Variants in PRKN observed in about 807,000 individuals in gnomAD.
PRKN encodes the protein parkin RBR E3 ubiquitin protein ligase.
Under a neutral mutation model 59.5 loss-of-function variants are expected in PRKN, and 56 were observed. The observed-to-expected ratio is 0.94, with a 90% CI of 0.76 to 1.18. The LOEUF (loss-of-function observed/expected upper bound fraction) is 1.18. PRKN is among the 50% of genes most tolerant of loss of function. The probability of loss-of-function intolerance (pLI) is 0.00; values close to 1 mark genes in which losing one functional copy is unlikely to be tolerated. For missense variants in PRKN, 657 were observed against 596.4 expected (o/e 1.10, Z -1.06); for synonymous variants, 250 against 222.1 (o/e 1.13, Z -1.12).
intron 9 of PRKN, among the ~76,000 whole-genome samples, chr6:161,476,111 C>T (rs918037142): frequency 6.6e-5 from 10 of 151,166 alleles, no homozygotes; most frequent in Non-Finnish European, 1.0e-4. Flanking sequence ...GGTGTGGACC[C>T]GGGAGGCGGA....
At chr6:162,347,965 C>A (rs1425256101) in intron 2 of PRKN, among the ~76,000 whole-genome samples, 2 of 152,140 alleles carry the variant, frequency 1.3e-5, no homozygotes, top group Non-Finnish European at 2.9e-5. Context: ...GGAGATAAAG[C>A]TGAGAGTTGA....
At chr6:162,447,904 C>G (rs1195896857) in intron 1 of PRKN, among the ~76,000 whole-genome samples, 1 of 152,124 alleles carries the variant, frequency 6.6e-6, no homozygotes, top group African/African-American at 2.4e-5. Context: ...GTGATTGATT[C>G]TGCAGAATAC....
intron 2 of PRKN, among the ~76,000 whole-genome samples, chr6:162,293,718 C>A (rs568769576): frequency 6.6e-6 from 1 of 152,286 alleles, no homozygotes; most frequent in East Asian, 1.9e-4. Flanking sequence ...GTGGGTGGAC[C>A]TGTACTCCAG....
intron 1 of PRKN, among the ~76,000 whole-genome samples, chr6:162,667,492 A>C (rs548684215): frequency 1.4e-4 from 21 of 152,144 alleles, no homozygotes; most frequent in Non-Finnish European, 2.6e-4. Context: ...AAGTCTGTCA[A>C]AATTTAAGTC....
chr6:162,093,757 C>G (rs115865852), intron 4 of PRKN, among the ~76,000 whole-genome samples: 2 of 152,078 alleles, frequency 1.3e-5, no homozygotes, highest in Non-Finnish European at 2.9e-5. Context: ...TTAAACCCCC[C>G]GTAACTCATA....
intron 6 of PRKN, among the ~76,000 whole-genome samples, chr6:161,891,321 A>T (rs371097687): frequency 7.9e-5 from 12 of 152,334 alleles, no homozygotes; most frequent in East Asian, 3.9e-4. Context: ...GTTCAAAACA[A>T]TCTTACCATA....
At chr6:161,747,764 C>CA (rs1227281708) in intron 7 of PRKN, among the ~76,000 whole-genome samples, 1 of 152,166 alleles carries the variant, frequency 6.6e-6, no homozygotes, top group Non-Finnish European at 1.5e-5. Flanking sequence ...TTGCTCTAAG[C>CA]ACCTTGGTGT....
chr6:161,602,104 T>TTATCTATCTATCTATCTATCTATC lies in PRKN; in HGVS notation c.872-32712_872-32689dup, dbSNP rs75473524. 5.2e-4 allele frequency among the ~76,000 whole-genome samples: 78 copies of TTATCTATCTATCTATCTATCTATC among 150,536 alleles called. 1 individual carries two copies. The highest frequency in any genetic ancestry group is 1.5e-3 in the African/African-American group (61 of 40,738). On this transcript the variant is annotated intron_variant, in intron 7 of 11. Coordinates refer to ENST00000366898, the MANE Select transcript of PRKN (RefSeq NM_004562.3). ...TTTATCTAAGTATATTTAGGGGAGATTATCTATCTATCTATCTATCTATCT... is the reference window on the plus strand; with the variant it reads ...TTTATCTAAGTATATTTAGGGGAGATTATCTATCTATCTATCTATCTATCTATCTATCTATCTATCTATCTATCT...
chr6:162,212,200 C>G (rs913338217), intron 3 of PRKN, among the ~76,000 whole-genome samples: 1 of 152,068 alleles, frequency 6.6e-6, no homozygotes, highest in African/African-American at 2.4e-5. Flanking sequence ...TGTAAGTTCC[C>G]TTCAAGTTGA....
Position 161,362,492 on chromosome 6 carries a change from C to G in PRKN, c.1168-2287G>C, listed in dbSNP as rs945077835. ...GACCTGGACTCCTGAGGGTGACGTT[C>G]TCAGTGGAGGAAGCCAGGGCAAAAG... On this transcript the variant is annotated intron_variant, in intron 10 of 11. Transcript: ENST00000366898. The surrounding 1 kb of genome is among the most constrained non-coding windows in gnomAD (Gnocchi z 5.2). Among the ~76,000 whole-genome samples the G allele has an allele frequency of 6.6e-6, 1 of 152,176 alleles. No homozygotes were observed. The highest frequency in any genetic ancestry group is 1.5e-5 in the Non-Finnish European group (1 of 68,038).
At chr6:161,426,941 G>T (rs547066477) in intron 9 of PRKN, among the ~76,000 whole-genome samples, 1 of 152,044 alleles carries the variant, frequency 6.6e-6, no homozygotes, top group Non-Finnish European at 1.5e-5. Context: ...GGATGGTCTC[G>T]ATCTCCTGAC....
At chr6:162,013,041 G>GT (rs1393981201) in intron 5 of PRKN, among the ~76,000 whole-genome samples, 1 of 152,050 alleles carries the variant, frequency 6.6e-6, no homozygotes, top group Non-Finnish European at 1.5e-5. Context: ...ACCAGTTTTA[G>GT]TATCCATTGA....
intron 7 of PRKN, among the ~76,000 whole-genome samples, chr6:161,622,423 G>A (rs1406663882): frequency 6.6e-6 from 1 of 152,088 alleles, no homozygotes; most frequent in East Asian, 1.9e-4. Context: ...GCCCCTAAAG[G>A]AGGTTCTGGG....
At chr6:162,059,632 A>G (rs1022787237) in intron 4 of PRKN, among the ~76,000 whole-genome samples, 2 of 152,250 alleles carry the variant, frequency 1.3e-5, no homozygotes, top group African/African-American at 4.8e-5. Context: ...TACGTCAATT[A>G]GAGAAGCAAA....
At chr6:162,172,374 G>A (rs558089571) in intron 4 of PRKN, among the ~76,000 whole-genome samples, 27 of 152,264 alleles carry the variant, frequency 1.8e-4, no homozygotes, top group Admixed American at 7.8e-4. Flanking sequence ...CTGCAGCCAA[G>A]AGTGATGTTC....
At chr6:161,602,145 C>T (rs1321639586) in intron 7 of PRKN, among the ~76,000 whole-genome samples, 1 of 119,026 alleles carries the variant, frequency 8.4e-6, no homozygotes, top group African/African-American at 4.0e-5. Context: ...ATTTGCCTAT[C>T]GATTTACCTA....
intron 4 of PRKN, among the ~76,000 whole-genome samples, chr6:162,059,353 C>G (rs898950229): frequency 6.6e-6 from 1 of 152,204 alleles, no homozygotes; most frequent in Non-Finnish European, 1.5e-5. Flanking sequence ...TGCAGCTGCT[C>G]ACACTAATAG....
At chr6:161,686,839 C>T (rs993608309) in intron 7 of PRKN, among the ~76,000 whole-genome samples, 3 of 152,206 alleles carry the variant, frequency 2.0e-5, no homozygotes, top group Admixed American at 1.3e-4. Context: ...CCCACAAGGG[C>T]GTGCCTCCAT....
intron 9 of PRKN, among the ~76,000 whole-genome samples, chr6:161,506,208 G>A (rs1778164416): frequency 6.6e-6 from 1 of 151,956 alleles, no homozygotes; most frequent in African/African-American, 2.4e-5. Flanking sequence ...TCATTGAGCA[G>A]TGGTTTGTAG....
Sources: allele counts gnomAD v4.1 joint callset (sites outside exome capture counted in the v4.1 genomes callset), GRCh38; gene constraint gnomAD v4.1.1; non-coding constraint Gnocchi (gnomAD v3.1); transcripts MANE v1.5; gene names NCBI Gene and HGNC (gene_info 2026-07-23, HGNC 2026-07-21).